The following SEC11A variants were observed in gnomAD, a reference collection of about 807,000 sequenced individuals.
SEC11A encodes the protein signal peptidase complex catalytic subunit SEC11A.
SEC11A carries 14 observed loss-of-function variants against 25.6 expected under a neutral mutation model. That is an observed-to-expected ratio of 0.55 (90% CI 0.36 to 0.85). SEC11A has a LOEUF of 0.85. Among genes scored for constraint, SEC11A ranks in the 40% least tolerant of loss-of-function variants. The pLI is 0.01. For synonymous variants in SEC11A, 83 were observed against 76.4 expected, an observed-to-expected ratio of 1.09 and a Z score of -0.45; for missense variants, 153 against 222.9, an observed-to-expected ratio of 0.69 and a Z score of 2.00.
chr15:84,687,498 T>C (rs571298860), intron 3 of SEC11A, 127 bp downstream of exon 3: 4 of 648,694 alleles, frequency 6.2e-6, no homozygotes, highest in Admixed American at 3.1e-5. Context: ...CCAGCATTCA[T>C]AAAAATGGAC....
rs895308117 is a variant in SEC11A at position 84,704,238 on chromosome 15, T to C, written c.51+11787A>G. ...AAGCACCATCCATGATCTTACAGAATGCCTTATTCCTCATTGTGGTATCCC... is the reference window on the plus strand; with the variant it reads ...AAGCACCATCCATGATCTTACAGAACGCCTTATTCCTCATTGTGGTATCCC... On this transcript the variant is annotated intron_variant, in intron 1 of 5. Transcript: ENST00000268220. Among the ~76,000 whole-genome samples the C allele has an allele frequency of 2.0e-5, 3 of 152,220 alleles. No individual in the cohort carries two copies. In the East Asian group the frequency reaches 5.8e-4, roughly 29 times the overall value.
chr15:84,688,996 C>T (rs1897514132), intron 2 of SEC11A, among the ~76,000 whole-genome samples: 1 of 148,888 alleles, frequency 6.7e-6, no homozygotes, highest in Non-Finnish European at 1.5e-5. Context: ...CGCCATTGCA[C>T]TCCAGCCTGG....
chr15:84,697,533 G>C (rs950396986), intron 1 of SEC11A, among the ~76,000 whole-genome samples: 1 of 152,130 alleles, frequency 6.6e-6, no homozygotes, highest in African/African-American at 2.4e-5. Context: ...CAATCTGCAA[G>C]CCAAAACCTA....
intron 3 of SEC11A, among the ~76,000 whole-genome samples, chr15:84,681,405 G>A (rs1446985176): frequency 4.6e-5 from 7 of 152,116 alleles, no homozygotes; most frequent in Admixed American, 1.3e-4. Flanking sequence ...CAAGGTGGGC[G>A]GATCACCTGA....
At chr15:84,711,965 G>A (rs551876300) in intron 1 of SEC11A, among the ~76,000 whole-genome samples, 1 of 152,210 alleles carries the variant, frequency 6.6e-6, no homozygotes, top group East Asian at 1.9e-4. Flanking sequence ...ACTTGGCTGG[G>A]TGTGGTGGCT....
intron 1 of SEC11A, among the ~76,000 whole-genome samples, chr15:84,713,290 A>C (rs543269702): frequency 2.6e-5 from 4 of 152,274 alleles, no homozygotes; most frequent in South Asian, 2.1e-4. Context: ...GAAAAAAAAA[A>C]CAAAAACTCA....
intron 1 of SEC11A, among the ~76,000 whole-genome samples, chr15:84,693,529 C>T (rs1483286478): frequency 6.6e-6 from 1 of 150,606 alleles, no homozygotes; most frequent in Non-Finnish European, 1.5e-5. Context: ...ATGATCTCAG[C>T]TCACTGCAAC....
intron 1 of SEC11A, among the ~76,000 whole-genome samples, chr15:84,697,389 T>C (rs1248680328): frequency 1.3e-5 from 2 of 152,244 alleles, no homozygotes; most frequent in African/African-American, 2.4e-5. Flanking sequence ...ACTTTTATTA[T>C]GGAATTATTA....
chr15:84,682,766 G>C (rs1308761142), intron 3 of SEC11A, among the ~76,000 whole-genome samples: 2 of 151,846 alleles, frequency 1.3e-5, no homozygotes, highest in East Asian at 3.9e-4. Context: ...GCATTTTGTT[G>C]ATCAGAAAAT....
At chr15:84,711,025 G>A (rs960946766) in intron 1 of SEC11A, among the ~76,000 whole-genome samples, 14 of 150,230 alleles carry the variant, frequency 9.3e-5, no homozygotes, top group East Asian at 2.0e-4. Flanking sequence ...AGCCGAGGTC[G>A]AGCCATTGCA....
rs374457859 is a variant in SEC11A, at chr15:84,696,981, G to A, written c.52-5337C>T. Among the ~76,000 whole-genome samples the A allele has an allele frequency of 1.3e-3, 189 of 150,168 alleles. 8 individuals are homozygous for A. The South Asian group carries it at 0.039, about 31-fold the overall frequency. ...GAGGACTGCTTGAGCCCAGGAGTTC[G>A]AGTTCAGCCTGGGCAACATAGTGAG... On this transcript the variant is annotated intron_variant, in intron 1 of 5. Coordinates refer to ENST00000268220, the MANE Select transcript of SEC11A (RefSeq NM_014300.4).
intron 1 of SEC11A, among the ~76,000 whole-genome samples, chr15:84,697,894 G>T (rs1414413922): frequency 6.6e-6 from 1 of 152,102 alleles, no homozygotes; most frequent in African/African-American, 2.4e-5. Flanking sequence ...TCTAAGAAAT[G>T]ACCAGAACAA....
intron 1 of SEC11A, among the ~76,000 whole-genome samples, chr15:84,695,986 G>T (rs963334315): frequency 6.6e-6 from 1 of 152,040 alleles, no homozygotes. Flanking sequence ...CACGCTAATG[G>T]CCAGAACACT....
chr15:84,713,413 C>T (rs979011509), intron 1 of SEC11A, among the ~76,000 whole-genome samples: 9 of 152,152 alleles, frequency 5.9e-5, no homozygotes, highest in African/African-American at 2.2e-4. Flanking sequence ...TTCCCTCTTT[C>T]GTCTGATTCT....
At chr15:84,683,560 T>TC (rs1897333457) in intron 3 of SEC11A, among the ~76,000 whole-genome samples, 1 of 152,012 alleles carries the variant, frequency 6.6e-6, no homozygotes, top group African/African-American at 2.4e-5. Flanking sequence ...TTATTAGACC[T>TC]ATTTTTTTTT....
intron 1 of SEC11A, among the ~76,000 whole-genome samples, chr15:84,700,524 G>A (rs935027374): frequency 3.0e-5 from 4 of 132,690 alleles, no homozygotes; most frequent in African/African-American, 1.1e-4. Context: ...AACCCAGGAG[G>A]TGGAGGTTGC....
chr15:84,687,912 T>TC, intron 2 of SEC11A, 138 bp from the exon 3 acceptor site: 2 of 733,494 alleles, frequency 2.7e-6, no homozygotes, highest in Non-Finnish European at 4.2e-6. Flanking sequence ...AACAGAAATG[T>TC]GTATTGTTCT....
At chr15:84,690,041 G>A (rs1897557164) in intron 2 of SEC11A, among the ~76,000 whole-genome samples, 1 of 152,150 alleles carries the variant, frequency 6.6e-6, no homozygotes, top group Non-Finnish European at 1.5e-5. Flanking sequence ...GGCCAAGGTG[G>A]GAGGATCCTT....
At chr15:84,712,457 T>C (rs1241568596) in intron 1 of SEC11A, among the ~76,000 whole-genome samples, 1 of 150,742 alleles carries the variant, frequency 6.6e-6, no homozygotes, top group Non-Finnish European at 1.5e-5. Flanking sequence ...TTCTTTTTTT[T>C]TTTTTTTTGA....
Sources: gnomAD v4.1 joint callset for allele counts (sites outside exome capture counted in the v4.1 genomes callset) on GRCh38, gnomAD v4.1.1 for gene constraint, MANE v1.5 for transcripts, NCBI Gene and HGNC (gene_info 2026-07-23, HGNC 2026-07-21) for gene names.